DCAF5: variants seen among roughly 807,000 people sequenced by gnomAD.
DCAF5 encodes DDB1- and CUL4-associated factor 5.
DCAF5 carries 9 observed loss-of-function variants against 80.7 expected under a neutral mutation model. The observed-to-expected ratio is 0.11, with a 90% CI of 0.07 to 0.19. The LOEUF (loss-of-function observed/expected upper bound fraction) is 0.19. Ranked by LOEUF, DCAF5 falls within the 10% of genes least tolerant of loss-of-function variation. The pLI, the probability that DCAF5 is intolerant of heterozygous loss-of-function variation, is 1.00. For synonymous variants in DCAF5, 433 were observed against 461.9 expected (o/e 0.94, Z 0.80); for missense variants, 842 against 1,205.7 (o/e 0.70, Z 4.47).
At chr14:69,105,929 A>ATATATATATATCTATATATATATATC (rs2040132683) in intron 5 of DCAF5, among the ~76,000 whole-genome samples, 2 of 83,016 alleles carry the variant, frequency 2.4e-5, no homozygotes, top group African/African-American at 1.0e-4. Flanking sequence ...ATATATATAT[A>ATATATATATATCTATATATATATATC]TATATATATA....
At chr14:69,099,722 T>C (rs2039882466) in intron 5 of DCAF5, among the ~76,000 whole-genome samples, 1 of 151,980 alleles carries the variant, frequency 6.6e-6, no homozygotes, top group Non-Finnish European at 1.5e-5. Flanking sequence ...GCAAGAGAAT[T>C]GCTTGAGCTT....
chr14:69,138,634 T>G lies in DCAF5; in HGVS notation c.214+14131A>C, dbSNP rs189749616. Among the ~76,000 whole-genome samples, 4 of 152,354 alleles carry G rather than the reference T, an allele frequency of 2.6e-5. No homozygotes were observed. The East Asian group carries it at 7.7e-4, about 29-fold the overall frequency. On this transcript the variant is annotated intron_variant, in intron 1 of 8. Coordinates refer to ENST00000341516, the MANE Select transcript of DCAF5 (RefSeq NM_003861.3). ...AGAAGACCCAGAGTTTAATCCTGAT[T>G]GTACTACTCACTAGTTGTAACCTAC...
chr14:69,118,098 T>C lies in DCAF5; in HGVS notation c.535+41A>G. 4 of 1,606,590 alleles carry C rather than the reference T, an allele frequency of 2.5e-6. No homozygotes were observed. Among genetic ancestry groups the C allele is most frequent in the South Asian group, 1.1e-5 (1 of 90,534 alleles). ...ATCTTCAATGAATCTGACATCAAAC[T>C]GTTCAACACAGTCCAACAGTCATTT... On this transcript the variant is annotated intron_variant, in intron 4 of 8. Transcript: ENST00000341516. This position sits in a 1 kb window ranked among gnomAD's most constrained non-coding sequence, Gnocchi z 4.0.
chr14:69,110,590 C>T (rs1171400515), intron 5 of DCAF5, among the ~76,000 whole-genome samples: 1 of 152,026 alleles, frequency 6.6e-6, no homozygotes, highest in Non-Finnish European at 1.5e-5. Context: ...TTAATAGTGT[C>T]TTTGGCCAGG....
intron 1 of DCAF5, among the ~76,000 whole-genome samples, chr14:69,140,036 G>A (rs1271053841): frequency 2.6e-5 from 4 of 151,996 alleles, no homozygotes; most frequent in Admixed American, 6.6e-5. Flanking sequence ...TTGGGAGGAC[G>A]AGGGGGATTG....
At chr14:69,084,465 T>A in intron 6 of DCAF5, 1 of 810,284 alleles carries the variant, frequency 1.2e-6, no homozygotes, top group Non-Finnish European at 2.1e-6. Context: ...ACGATGCTCT[T>A]TTCTGCCACC....
At position 69,118,511 on chromosome 14, in the gene DCAF5, A is replaced by G. The variant is rs1049518127; in HGVS notation, c.396-233T>C. On this transcript the variant is annotated intron_variant, in intron 3 of 8. Transcript: ENST00000341516. The surrounding 1 kb of genome is among the most constrained non-coding windows in gnomAD (Gnocchi z 4.0). ...TTTATAATTTTTGTGCTAAATAAGCATATTTAAAAGTGACTCAATAGCTGA... is the reference window on the plus strand; with the variant it reads ...TTTATAATTTTTGTGCTAAATAAGCGTATTTAAAAGTGACTCAATAGCTGA... Among the ~76,000 whole-genome samples, 1 of 152,218 alleles carries G rather than the reference A, an allele frequency of 6.6e-6. No individual in the cohort carries two copies. The highest frequency in any genetic ancestry group is 2.1e-4 in the South Asian group (1 of 4,836).
chr14:69,078,229 T>C (rs1026411769), intron 6 of DCAF5, among the ~76,000 whole-genome samples: 1 of 152,148 alleles, frequency 6.6e-6, no homozygotes, highest in Admixed American at 6.5e-5. Flanking sequence ...TGAACAGACA[T>C]TTCTCCAAAG....
At chr14:69,105,939 A>ATATATATATATATATATATATATATC (rs2040136919) in intron 5 of DCAF5, among the ~76,000 whole-genome samples, 1 of 99,336 alleles carries the variant, frequency 1.0e-5, no homozygotes, top group Non-Finnish European at 2.3e-5. Context: ...ATATATATAT[A>ATATATATATATATATATATATATATC]TATATATCTC....
intron 1 of DCAF5, among the ~76,000 whole-genome samples, chr14:69,151,290 C>T (rs1013015781): frequency 2.6e-5 from 4 of 152,156 alleles, no homozygotes; most frequent in Non-Finnish European, 4.4e-5. Context: ...CAAGTCAGTT[C>T]TGGACAGACC....
rs747188899 is a variant in DCAF5 at position 69,152,769 on chromosome 14, G to A, written c.210C>T (p.Val70=). ...EFSNNGGQWL[V]SGGDDRRVLL... is the part of the protein sequence containing the mutation. ...AGGGGAAGGGGGTTGATTTACCTGAGACCAGCCACTGGCCTCCATTGTTGG... is the reference window on the plus strand; with the variant it reads ...AGGGGAAGGGGGTTGATTTACCTGAAACCAGCCACTGGCCTCCATTGTTGG... Residue 70 remains valine, a synonymous_variant, in exon 1 of 9, where the codon GTC becomes GTT. Coordinates refer to ENST00000341516, the MANE Select transcript of DCAF5 (RefSeq NM_003861.3). This position sits in a 1 kb window ranked among gnomAD's most constrained non-coding sequence, Gnocchi z 4.1. 1.2e-6 allele frequency: 2 copies of A among 1,613,412 alleles called. No individual in the cohort carries two copies. The highest frequency in any genetic ancestry group is 1.7e-6 in the Non-Finnish European group (2 of 1,179,800).
chr14:69,086,575 A>G (rs1408086555), intron 6 of DCAF5, among the ~76,000 whole-genome samples: 1 of 151,500 alleles, frequency 6.6e-6, no homozygotes, highest in Non-Finnish European at 1.5e-5. Context: ...AACATATGGC[A>G]TGCCAGGCCC....
chr14:69,072,392 A>G (rs184309754), intron 7 of DCAF5, among the ~76,000 whole-genome samples: 66 of 152,188 alleles, frequency 4.3e-4, no homozygotes, highest in African/African-American at 1.5e-3. Flanking sequence ...TAGTGGAGGT[A>G]ATAAAAAAGA....
At chr14:69,071,541 C>T (rs2038693317) in intron 7 of DCAF5, among the ~76,000 whole-genome samples, 1 of 151,620 alleles carries the variant, frequency 6.6e-6, no homozygotes, top group African/African-American at 2.4e-5. Context: ...CCCTTACTAG[C>T]CTGCCTTAGA....
At chr14:69,124,977 C>G (rs377080885) in intron 1 of DCAF5, among the ~76,000 whole-genome samples, 1 of 152,178 alleles carries the variant, frequency 6.6e-6, no homozygotes, top group East Asian at 1.9e-4. Context: ...TAATCTCCCT[C>G]TGCCTCAGTT....
Position 69,075,256 on chromosome 14 carries a change from C to G in DCAF5, c.946+89G>C, listed in dbSNP as rs1325327795. 4.2e-6 allele frequency: 4 copies of G among 956,552 alleles called. No individual in the cohort carries two copies. The East Asian group carries it at 1.1e-4, about 25-fold the overall frequency. 59.3% of individuals were successfully genotyped at this position (956,552 alleles called of 1,614,324 possible). On this transcript the variant is annotated intron_variant, in intron 7 of 8. Transcript: ENST00000341516. ...CTTATGTTAGAAATGTTGTCCTCTA[C>G]TGCTAAAGATCTGTCCCCTCAGGGC...
intron 5 of DCAF5, among the ~76,000 whole-genome samples, chr14:69,113,644 AT>A (rs960403005): frequency 6.6e-6 from 1 of 152,194 alleles, no homozygotes; most frequent in Non-Finnish European, 1.5e-5. Context: ...CAAGAGACAA[AT>A]TATCTATTGC....
intron 8 of DCAF5, among the ~76,000 whole-genome samples, chr14:69,060,547 T>A (rs1205146702): frequency 1.3e-5 from 2 of 152,114 alleles, no homozygotes; most frequent in Non-Finnish European, 2.9e-5. Context: ...CTTTTTTTTT[T>A]TGGAGACAGA....
At chr14:69,125,648 T>C (rs182281443) in intron 1 of DCAF5, among the ~76,000 whole-genome samples, 10 of 152,272 alleles carry the variant, frequency 6.6e-5, no homozygotes, top group Admixed American at 4.6e-4. Context: ...AGAAAACCTA[T>C]ATACAACATA....
Sources: gnomAD v4.1 joint callset for allele counts (sites outside exome capture counted in the v4.1 genomes callset) on GRCh38, gnomAD v4.1.1 for gene constraint, Gnocchi (gnomAD v3.1) non-coding constraint, MANE v1.5 for transcripts, NCBI Gene and HGNC (gene_info 2026-07-23, HGNC 2026-07-21) for gene names.